Variants in POLH observed in about 807,000 individuals in gnomAD.
The protein encoded by POLH is DNA polymerase eta transcript.
POLH carries 53 observed loss-of-function variants against 73.6 expected under a neutral mutation model. That is an observed-to-expected ratio of 0.72 (90% CI 0.58 to 0.91). The LOEUF (loss-of-function observed/expected upper bound fraction) is 0.91. Among genes scored for constraint, POLH ranks in the 40% least tolerant of loss-of-function variants. The probability of loss-of-function intolerance (pLI) is 0.00; values close to 1 mark genes in which losing one functional copy is unlikely to be tolerated. For missense variants in POLH, 768 were observed against 865.4 expected (o/e 0.89, Z 1.41); for synonymous variants, 292 against 308.5 (o/e 0.95, Z 0.56).
intron 7 of POLH, 61 bp from the exon 8 acceptor site, chr6:43,604,554 T>C: frequency 6.4e-7 from 1 of 1,566,588 alleles, no homozygotes; most frequent in Non-Finnish European, 8.8e-7. Context: ...AGTTATTTGG[T>C]TTTGTTTTAA....
intron 3 of POLH, among the ~76,000 whole-genome samples, chr6:43,586,438 A>G (rs901427772): frequency 1.5e-4 from 23 of 152,212 alleles, no homozygotes; most frequent in Admixed American, 1.4e-3. Context: ...GCGAGATGCC[A>G]CTATTGCACT....
In POLH at chr6:43,619,364, CAAAAAAAAA is replaced by C. The variant is rs60046548; in HGVS notation, c.*4829_*4837del. ...TGGGTGACAGTCTGAGACCCTGTCTCAAAAAAAAAAAAAAAAAAAAAAAAAAAAAAGACT... is the reference window on the plus strand; with the variant it reads ...TGGGTGACAGTCTGAGACCCTGTCTCAAAAAAAAAAAAAAAAAAAAAGACT... On this transcript the variant is annotated 3_prime_UTR_variant, in exon 11 of 11. Coordinates refer to ENST00000372236, the MANE Select transcript of POLH (RefSeq NM_006502.3). 3.5e-4 allele frequency among the ~76,000 whole-genome samples: 13 copies of C among 37,050 alleles called. No individual in the cohort carries two copies. The highest frequency in any genetic ancestry group is 3.7e-4 in the Admixed American group (1 of 2,734). The allele number at this position is 37,050 out of a possible 152,430, so 24.3% of individuals were successfully genotyped here.
chr6:43,610,621 T>G lies in POLH; in HGVS notation c.1142T>G (p.Leu381Arg). 1 of 1,612,474 alleles carries G rather than the reference T, an allele frequency of 6.2e-7. No individual in the cohort carries two copies. The highest frequency in any genetic ancestry group is 1.7e-5 in the Admixed American group (1 of 60,008). Residue 381 changes from leucine to arginine, a missense_variant, in exon 10 of 11, where the codon CTG (leucine) becomes CGG (arginine). Transcript: ENST00000372236. ...CAAGGAGACAAACGCCTCAGCAGCC[T>G]GCGCCGCTGCTGTGCCCTTACCCGC... The part of the protein sequence containing the change: ...RVQGDKRLSS[L>R]RRCCALTRYD...
Position 43,619,104 on chromosome 6 carries a change from C to G in POLH, c.*4547C>G, listed in dbSNP as rs913247299. On this transcript the variant is annotated 3_prime_UTR_variant, in exon 11 of 11. Coordinates refer to ENST00000372236, the MANE Select transcript of POLH (RefSeq NM_006502.3). ...ATAAAAGACAATATTTAGCCAGTCACGGTGGCTGATGCTTGTAATCCTAAC... is the reference window on the plus strand; with the variant it reads ...ATAAAAGACAATATTTAGCCAGTCAGGGTGGCTGATGCTTGTAATCCTAAC... Among the ~76,000 whole-genome samples, 1 of 151,924 alleles carries G rather than the reference C, an allele frequency of 6.6e-6. No individual in the cohort carries two copies. The highest frequency in any genetic ancestry group is 2.4e-5 in the African/African-American group (1 of 41,382).
In POLH at chr6:43,599,165, T is replaced by C. The variant is rs1262809206; in HGVS notation, c.660+1300T>C. Among the ~76,000 whole-genome samples the C allele has an allele frequency of 2.6e-5, 4 of 151,830 alleles. No individual in the cohort carries two copies. In the East Asian group the frequency reaches 7.7e-4, roughly 29 times the overall value. On this transcript the variant is annotated intron_variant, in intron 5 of 10. Coordinates refer to ENST00000372236, the MANE Select transcript of POLH (RefSeq NM_006502.3). ...CACCATGCCTGGCTAATTTTTGTAT[T>C]TTTACTGGAGACAGGGTTTCACCAT...
chr6:43,608,677 AGCCACTGT>A (rs1294735759), intron 9 of POLH, among the ~76,000 whole-genome samples: 2 of 152,170 alleles, frequency 1.3e-5, no homozygotes, highest in African/African-American at 2.4e-5. Context: ...TACAGGCATG[AGCCACTGT>A]GCCTAGCCTT....
intron 1 of POLH, among the ~76,000 whole-genome samples, chr6:43,578,158 G>C (rs1263901657): frequency 6.6e-6 from 1 of 151,946 alleles, no homozygotes; most frequent in African/African-American, 2.4e-5. Context: ...AGGCCGAGGT[G>C]GGTGGATCGC....
chr6:43,592,832 T>C (rs1765616721), intron 4 of POLH, among the ~76,000 whole-genome samples: 1 of 152,224 alleles, frequency 6.6e-6, no homozygotes, highest in African/African-American at 2.4e-5. Context: ...GTAACTGGTT[T>C]GTTAGCTAAG....
intron 10 of POLH, 63 bp from the exon 11 acceptor site, chr6:43,613,597 C>A: frequency 7.8e-7 from 1 of 1,281,392 alleles, no homozygotes; most frequent in Non-Finnish European, 1.1e-6. Flanking sequence ...ATGGAATTAG[C>A]AATAGGTCAC....
In POLH at chr6:43,617,249, G is replaced by A. The variant is rs886061459; in HGVS notation, c.*2692G>A. 4.6e-5 allele frequency among the ~76,000 whole-genome samples: 7 copies of A among 152,182 alleles called. No homozygotes were observed. Among genetic ancestry groups the A allele is most frequent in the Admixed American group, 3.3e-4 (5 of 15,262 alleles). On this transcript the variant is annotated 3_prime_UTR_variant, in exon 11 of 11. Transcript: ENST00000372236. ...CCCAAGTATGATTTGAGGAACAGCA[G>A]CCTCAGTATCACCAGGGAACTTATT...
At chr6:43,593,224 A>T (rs910199800) in intron 4 of POLH, among the ~76,000 whole-genome samples, 1 of 152,198 alleles carries the variant, frequency 6.6e-6, no homozygotes, top group Non-Finnish European at 1.5e-5. Context: ...GAAAGATTAT[A>T]CTATCCTCAT....
chr6:43,589,942 AATTC>A (rs764911380), intron 4 of POLH, among the ~76,000 whole-genome samples: 6 of 152,014 alleles, frequency 3.9e-5, no homozygotes, highest in Non-Finnish European at 7.4e-5. Flanking sequence ...TTTTTTAATG[AATTC>A]ATTTTTATTT....
chr6:43,588,906 C>T lies in POLH; in HGVS notation c.490+1417C>T, dbSNP rs553394498. 3.5e-4 allele frequency among the ~76,000 whole-genome samples: 53 copies of T among 151,812 alleles called. 2 individuals are homozygous for T. The highest frequency in any genetic ancestry group is 2.6e-3 in the Admixed American group (39 of 15,228). On this transcript the variant is annotated intron_variant, in intron 4 of 10. Coordinates refer to ENST00000372236, the MANE Select transcript of POLH (RefSeq NM_006502.3). ...AGGCCGGACTGCAGTGGCGCTATCT[C>T]GGCTCACTGCAAGCTCCGCCTCCCG...
At chr6:43,588,267 T>C (rs77790026) in intron 4 of POLH, 3,234 of 152,738 alleles carry the variant, frequency 0.021, 111 homozygotes, top group African/African-American at 0.072. Flanking sequence ...TTTTACCCTT[T>C]ATAGTGATTT....
intron 4 of POLH, among the ~76,000 whole-genome samples, chr6:43,595,671 GA>G (rs1765965931): frequency 6.6e-6 from 1 of 151,812 alleles, no homozygotes; most frequent in Non-Finnish European, 1.5e-5. Flanking sequence ...GAATGACGTG[GA>G]CTCGGGAGGC....
intron 1 of POLH, among the ~76,000 whole-genome samples, chr6:43,577,369 C>T (rs1356057124): frequency 6.6e-6 from 1 of 152,152 alleles, no homozygotes; most frequent in Non-Finnish European, 1.5e-5. Context: ...TGGTGCTTAG[C>T]CTGTGTTTTT....
At chr6:43,587,797 G>C (rs1182374828) in intron 4 of POLH, among the ~76,000 whole-genome samples, 1 of 152,204 alleles carries the variant, frequency 6.6e-6, no homozygotes, top group Non-Finnish European at 1.5e-5. Context: ...GGGAGGCCGA[G>C]GTGGGTGGAT....
rs897748985 is a variant in POLH, at chr6:43,594,375, T to TA, written c.491-3312dup. Among the ~76,000 whole-genome samples the TA allele has an allele frequency of 6.0e-4, 91 of 150,766 alleles. 1 individual carries two copies. The highest frequency in any genetic ancestry group is 2.1e-3 in the African/African-American group (86 of 41,192). On this transcript the variant is annotated intron_variant, in intron 4 of 10. Coordinates refer to ENST00000372236, the MANE Select transcript of POLH (RefSeq NM_006502.3). ...TTGGTATTTCAGGAAAACAGATAAT[T>TA]AAAAAAAAAGCAAAAAATGCGCAAG...
At chr6:43,604,779 G>A (rs751332615) in intron 8 of POLH, 41 bp downstream of exon 8, 5 of 1,610,396 alleles carry the variant, frequency 3.1e-6, no homozygotes, top group Non-Finnish European at 4.2e-6. Context: ...TCTTTTAAAG[G>A]GGTCAGTGGG....
Sources: allele counts gnomAD v4.1 joint callset (sites outside exome capture counted in the v4.1 genomes callset), GRCh38; gene constraint gnomAD v4.1.1; transcripts MANE v1.5; gene names NCBI Gene and HGNC (gene_info 2026-07-23, HGNC 2026-07-21).